Variants in FARS2 observed in about 807,000 individuals in gnomAD.
FARS2 encodes the protein phenylalanine--tRNA ligase, mitochondrial.
Under a neutral mutation model 46.4 loss-of-function variants are expected in FARS2, and 40 were observed. That is an observed-to-expected ratio of 0.86 (90% CI 0.67 to 1.12). FARS2 has a LOEUF of 1.12. Among genes scored for constraint, FARS2 ranks in the 50% most tolerant of loss-of-function variants. FARS2 has a pLI of 0.00. For synonymous variants in FARS2, 234 were observed against 214.9 expected, an observed-to-expected ratio of 1.09 and a Z score of -0.78; for missense variants, 513 against 567.9, an observed-to-expected ratio of 0.90 and a Z score of 0.98.
intron 6 of FARS2, among the ~76,000 whole-genome samples, chr6:5,652,559 G>A (rs1368401371): frequency 3.3e-5 from 5 of 152,226 alleles, no homozygotes; most frequent in East Asian, 1.9e-4. Context: ...CGGCGCAGCC[G>A]CTGATGGCTC....
intron 6 of FARS2, among the ~76,000 whole-genome samples, chr6:5,615,673 C>T (rs115242596): frequency 0.012 from 1,890 of 152,138 alleles, 39 homozygotes; most frequent in African/African-American, 0.043. Context: ...CAGTGGTGTG[C>T]ATATGATCGC....
At chr6:5,719,755 T>C (rs1483732064) in intron 6 of FARS2, among the ~76,000 whole-genome samples, 2 of 152,206 alleles carry the variant, frequency 1.3e-5, no homozygotes, top group Admixed American at 1.3e-4. Flanking sequence ...CAAGACAAGG[T>C]AGTTCAAGTT....
intron 1 of FARS2, among the ~76,000 whole-genome samples, chr6:5,361,241 C>G (rs1223211753): frequency 6.6e-6 from 1 of 152,120 alleles, no homozygotes; most frequent in Non-Finnish European, 1.5e-5. Context: ...CTCGTTGCAA[C>G]CATTATATTT....
chr6:5,482,371 T>C (rs990925492), intron 4 of FARS2, among the ~76,000 whole-genome samples: 3 of 152,218 alleles, frequency 2.0e-5, no homozygotes, highest in Non-Finnish European at 4.4e-5. Flanking sequence ...GTTGCTGGAT[T>C]AAATGAAGTA....
chr6:5,434,096 A>G (rs900509528), intron 4 of FARS2, among the ~76,000 whole-genome samples: 1 of 145,624 alleles, frequency 6.9e-6, no homozygotes, highest in Admixed American at 7.0e-5. Flanking sequence ...AACTGTACAC[A>G]TAAAAATGAA....
chr6:5,389,425 C>T (rs1244088168), intron 2 of FARS2, among the ~76,000 whole-genome samples: 1 of 152,168 alleles, frequency 6.6e-6, no homozygotes. Context: ...TTCATGTACT[C>T]AATCTGTCTA....
At chr6:5,712,775 T>G (rs201582346) in intron 6 of FARS2, among the ~76,000 whole-genome samples, 12 of 152,218 alleles carry the variant, frequency 7.9e-5, no homozygotes, top group South Asian at 2.1e-4. Context: ...CAGCTTGGCC[T>G]AGGGAGCTCC....
At chr6:5,712,925 T>C (rs769643508) in intron 6 of FARS2, among the ~76,000 whole-genome samples, 1 of 152,184 alleles carries the variant, frequency 6.6e-6, no homozygotes, top group Non-Finnish European at 1.5e-5. Flanking sequence ...TAAAATGGAG[T>C]GTACAAAAAG....
At chr6:5,550,505 G>A (rs1771308447) in intron 5 of FARS2, among the ~76,000 whole-genome samples, 1 of 152,184 alleles carries the variant, frequency 6.6e-6, no homozygotes, top group Admixed American at 6.5e-5. Context: ...GGCTCAAGCA[G>A]TCTGCCTGCC....
At chr6:5,254,297 C>G in the FARS2 span, among the ~76,000 whole-genome samples, 5 of 152,120 alleles carry the variant, frequency 3.3e-5, no homozygotes, top group Non-Finnish European at 7.4e-5. Context: ...TGAAGCATCT[C>G]GACAACTTTT....
At chr6:5,624,243 A>G (rs1349779338) in intron 6 of FARS2, among the ~76,000 whole-genome samples, 2 of 152,154 alleles carry the variant, frequency 1.3e-5, no homozygotes, top group East Asian at 3.9e-4. Context: ...GCTTTCTTTT[A>G]ACAGCTTACG....
intron 6 of FARS2, among the ~76,000 whole-genome samples, chr6:5,745,087 C>G (rs1284271259): frequency 1.3e-5 from 2 of 152,216 alleles, no homozygotes; most frequent in Non-Finnish European, 2.9e-5. Context: ...AAAATGCTAT[C>G]CTAGAAAAGA....
At chr6:5,702,168 T>A (rs1159615308) in intron 6 of FARS2, among the ~76,000 whole-genome samples, 3 of 152,240 alleles carry the variant, frequency 2.0e-5, no homozygotes, top group South Asian at 4.1e-4. Flanking sequence ...TGACAGCCAA[T>A]GATATGTATC....
rs139240483 is a variant in FARS2 at position 5,353,565 on chromosome 6, T to A, written c.-21-14985T>A. Among the ~76,000 whole-genome samples the A allele has an allele frequency of 1.3e-3, 197 of 152,312 alleles. 1 individual carries two copies. The highest frequency in any genetic ancestry group is 4.5e-3 in the African/African-American group (185 of 41,564). On this transcript the variant is annotated intron_variant, in intron 1 of 6. Coordinates refer to ENST00000274680, the MANE Select transcript of FARS2 (RefSeq NM_006567.5). Reference sequence around the variant, plus strand: ...TTCTCTGCATCCTTGCCAGGATTTATTTTTTGTAGCCATTCTAACCGGGGC... The same window carrying A: ...TTCTCTGCATCCTTGCCAGGATTTAATTTTTGTAGCCATTCTAACCGGGGC...
At chr6:5,743,720 G>A (rs532449933) in intron 6 of FARS2, among the ~76,000 whole-genome samples, 2 of 152,278 alleles carry the variant, frequency 1.3e-5, no homozygotes, top group East Asian at 3.9e-4. Flanking sequence ...AGGAGTTGGG[G>A]GAGAAAGAAG....
At chr6:5,417,433 C>T (rs1426147699) in intron 3 of FARS2, among the ~76,000 whole-genome samples, 2 of 152,018 alleles carry the variant, frequency 1.3e-5, no homozygotes, top group African/African-American at 4.8e-5. Context: ...CACCATGTTG[C>T]CCAGGCTGGT....
At chr6:5,440,919 C>CTTTTTTTTTT (rs56965644) in intron 4 of FARS2, among the ~76,000 whole-genome samples, 1 of 144,504 alleles carries the variant, frequency 6.9e-6, no homozygotes, top group Non-Finnish European at 1.5e-5. Flanking sequence ...CATTTTCTTT[C>CTTTTTTTTTT]TTTTTTTTTT....
intron 1 of FARS2, among the ~76,000 whole-genome samples, chr6:5,287,241 C>T (rs1767185242): frequency 6.6e-6 from 1 of 152,216 alleles, no homozygotes; most frequent in African/African-American, 2.4e-5. Context: ...GGCTTCTCAG[C>T]TCTGTTTGTG....
chr6:5,346,740 C>A (rs2127599137), intron 1 of FARS2, among the ~76,000 whole-genome samples: 1 of 151,776 alleles, frequency 6.6e-6, no homozygotes, highest in East Asian at 1.9e-4. Flanking sequence ...ATCCCTCTAT[C>A]CTCCAACAAT....
Sources: gnomAD v4.1 joint callset for allele counts (sites outside exome capture counted in the v4.1 genomes callset) on GRCh38, gnomAD v4.1.1 for gene constraint, MANE v1.5 for transcripts, NCBI Gene and HGNC (gene_info 2026-07-23, HGNC 2026-07-21) for gene names.